Variants in MED12L observed in about 807,000 individuals in gnomAD.
The protein encoded by MED12L is mediator complex subunit 12L.
A neutral mutation model predicts 281.3 loss-of-function variants in MED12L; 60 were observed. That is an observed-to-expected ratio of 0.21 (90% confidence interval 0.17 to 0.26). The LOEUF (loss-of-function observed/expected upper bound fraction) is 0.26, where lower values mean the gene tolerates loss of function less well. MED12L is among the 10% of genes least tolerant of loss of function. The pLI is 1.00. For missense variants in MED12L, 2,146 were observed against 2,680.9 expected (o/e 0.80, Z 4.41); for synonymous variants, 974 against 987.2 (o/e 0.99, Z 0.25).
chr3:151,388,115 T>G lies in MED12L; in HGVS notation c.5394T>G (p.Asp1798Glu). 6.2e-7 allele frequency: 1 copy of G among 1,611,582 alleles called. No homozygotes were observed. Among genetic ancestry groups the G allele is most frequent in the African/African-American group, 1.3e-5 (1 of 74,670 alleles). Residue 1798 changes from aspartate (D) to glutamate (E), a missense_variant, in exon 37 of 45, where the codon GAT becomes GAG. By Grantham distance (45) the Asp-to-Glu change is conservative. Around this residue, in one of 9 missense-constraint regions of MED12L, gnomAD observed 496 missense variants for 512.0 expected, o/e 0.97. Transcript: ENST00000687756. Reference sequence around the variant, plus strand: ...CAGATCAGGGAAAAACCACAACAGATGAAGAAAAGAAAACAAAAGGAAGGA... The same window carrying G: ...CAGATCAGGGAAAAACCACAACAGAGGAAGAAAAGAAAACAAAAGGAAGGA... ...ELSDQGKTTT[D>E]EEKKTKGRKR...
At chr3:151,306,472 G>T (rs986652183) in intron 16 of MED12L, among the ~76,000 whole-genome samples, 10 of 152,218 alleles carry the variant, frequency 6.6e-5, no homozygotes, top group Admixed American at 5.2e-4. Flanking sequence ...AAGCTTCTGA[G>T]TAGTGGAATA....
chr3:151,395,971 A>G (rs1489641205), intron 39 of MED12L, among the ~76,000 whole-genome samples: 1 of 152,206 alleles, frequency 6.6e-6, no homozygotes, highest in Non-Finnish European at 1.5e-5. Context: ...TATAAGGACA[A>G]GAGAGAAGAA....
rs139423008 is a variant in MED12L at position 151,406,264 on chromosome 3, T to C, written c.5821-2979T>C. On this transcript the variant is annotated intron_variant, in intron 39 of 44. Transcript: ENST00000687756. The stretch of plus-strand genomic sequence containing the variant: ...TTTATTATTCCCACATTGTGGTTCT[T>C]ATTTAACATTTGTAAAATATTTCAA... Among the ~76,000 whole-genome samples, 345 of 152,352 alleles carry C rather than the reference T, an allele frequency of 2.3e-3. 1 individual carries two copies. Among genetic ancestry groups the C allele is most frequent in the Non-Finnish European group, 4.2e-3 (283 of 68,028 alleles).
intron 16 of MED12L, chr3:151,269,557 A>G (rs867400619): frequency 5.6e-5 from 17 of 302,228 alleles, no homozygotes; most frequent in Admixed American, 4.8e-4. Context: ...CCAAATTTCA[A>G]ATTTTTGGGT....
chr3:151,199,152 G>T (rs1559868827), intron 16 of MED12L: 1 of 1,614,164 alleles, frequency 6.2e-7, no homozygotes. Context: ...AGCTTCCAAG[G>T]TGCCACACCC....
chr3:151,266,823 G>A (rs1011011599), intron 16 of MED12L, among the ~76,000 whole-genome samples: 6 of 152,194 alleles, frequency 3.9e-5, no homozygotes, highest in East Asian at 1.9e-4. Flanking sequence ...GATGTCCTAC[G>A]AAGGGAAAAC....
Position 151,279,488 on chromosome 3 carries a change from C to T in MED12L, c.2251-70571C>T, listed in dbSNP as rs529067718. 5.3e-5 allele frequency among the ~76,000 whole-genome samples: 8 copies of T among 152,314 alleles called. No individual in the cohort carries two copies. The South Asian group carries it at 1.0e-3, about 20-fold the overall frequency. On this transcript the variant is annotated intron_variant, in intron 16 of 44. Coordinates refer to ENST00000687756, the MANE Select transcript of MED12L (RefSeq NM_001393769.1). Reference sequence around the variant, plus strand: ...TTCTGTCTCACAGACTTGCTAGTCACTGTTGATCCTTGGCAAAGACCTGTG... The same window carrying T: ...TTCTGTCTCACAGACTTGCTAGTCATTGTTGATCCTTGGCAAAGACCTGTG...
intron 17 of MED12L, among the ~76,000 whole-genome samples, chr3:151,350,609 A>G (rs73006586): frequency 0.027 from 4,176 of 152,192 alleles, 183 homozygotes; most frequent in African/African-American, 0.096. Flanking sequence ...GCTTGTGGTT[A>G]GTTTTTTTTC....
chr3:151,286,631 G>A (rs1379290991), intron 16 of MED12L, among the ~76,000 whole-genome samples: 1 of 152,204 alleles, frequency 6.6e-6, no homozygotes, highest in Non-Finnish European at 1.5e-5. Flanking sequence ...TGGATTCATG[G>A]AGTTCTTTTT....
At chr3:151,178,017 AG>A (rs1476770566) in intron 11 of MED12L, among the ~76,000 whole-genome samples, 1 of 151,884 alleles carries the variant, frequency 6.6e-6, no homozygotes, top group Non-Finnish European at 1.5e-5. Flanking sequence ...AAAGCTAGGG[AG>A]GCATGCTTAC....
At chr3:151,379,227 T>C (rs530662513) in intron 31 of MED12L, among the ~76,000 whole-genome samples, 1 of 152,364 alleles carries the variant, frequency 6.6e-6, no homozygotes, top group South Asian at 2.1e-4. Context: ...GGTGAGTGTA[T>C]GTGCATTGCC....
At chr3:151,320,537 G>T (rs1748875246) in intron 16 of MED12L, among the ~76,000 whole-genome samples, 1 of 152,068 alleles carries the variant, frequency 6.6e-6, no homozygotes, top group Non-Finnish European at 1.5e-5. Context: ...CCTTTGACAA[G>T]ATTGGTATCA....
At chr3:151,175,716 C>T (rs553969984) in intron 11 of MED12L, among the ~76,000 whole-genome samples, 43 of 152,288 alleles carry the variant, frequency 2.8e-4, no homozygotes, top group Admixed American at 2.0e-3. Context: ...TACTGAATTA[C>T]GGAATTAGGC....
At chr3:151,373,341 A>G (rs1228173002) in intron 27 of MED12L, among the ~76,000 whole-genome samples, 2 of 152,146 alleles carry the variant, frequency 1.3e-5, no homozygotes, top group Admixed American at 6.5e-5. Context: ...GGTGATGTTA[A>G]TTTTGATTAA....
intron 16 of MED12L, among the ~76,000 whole-genome samples, chr3:151,334,964 C>T (rs769081911): frequency 2.6e-5 from 4 of 152,078 alleles, no homozygotes; most frequent in East Asian, 1.9e-4. Flanking sequence ...CATTGAAATT[C>T]AAATTTCATA....
At chr3:151,238,632 A>G (rs939955208) in intron 16 of MED12L, among the ~76,000 whole-genome samples, 3 of 152,228 alleles carry the variant, frequency 2.0e-5, no homozygotes, top group Non-Finnish European at 4.4e-5. Context: ...CTTAGCACAA[A>G]TCAAGGCAGT....
At chr3:151,294,534 T>A in intron 16 of MED12L, 1 of 1,614,178 alleles carries the variant, frequency 6.2e-7, no homozygotes, top group African/African-American at 1.3e-5. Flanking sequence ...ATGAATTGCC[T>A]GCTGGATTTG....
At chr3:151,130,482 T>G in intron 5 of MED12L, among the ~76,000 whole-genome samples, 1 of 152,360 alleles carries the variant, frequency 6.6e-6, no homozygotes, top group African/African-American at 2.4e-5. Context: ...CTTGTTTTTG[T>G]TTTTCTTCCT....
intron 16 of MED12L, among the ~76,000 whole-genome samples, chr3:151,299,485 C>T (rs1745611623): frequency 7.3e-6 from 1 of 137,444 alleles, no homozygotes; most frequent in Non-Finnish European, 1.5e-5. Flanking sequence ...TTCCTTTCTT[C>T]CTTTTTTTTC....
Sources: gnomAD v4.1 joint callset for allele counts (sites outside exome capture counted in the v4.1 genomes callset) on GRCh38, gnomAD v4.1.1 for gene constraint, gnomAD v4.1.1 regional missense constraint, MANE v1.5 for transcripts, NCBI Gene and HGNC (gene_info 2026-07-23, HGNC 2026-07-21) for gene names.